The following PCCA variants were observed in gnomAD, a reference collection of about 807,000 sequenced individuals.
The protein encoded by PCCA is propionyl-CoA carboxylase alpha chain, mitochondrial.
In PCCA, 74 loss-of-function variants were observed where a neutral mutation model predicts 101.3. The ratio of observed to expected loss-of-function variants is 0.73; its 90% CI spans 0.61 to 0.89. The LOEUF is 0.89. Among genes scored for constraint, PCCA ranks in the 40% least tolerant of loss-of-function variants. The pLI, the probability that PCCA is intolerant of heterozygous loss-of-function variation, is 0.00. For synonymous variants in PCCA, 294 were observed against 313.6 expected (o/e 0.94, Z 0.66); for missense variants, 891 against 907.0 (o/e 0.98, Z 0.23).
At chr13:100,495,042 C>T (rs1301126614) in intron 21 of PCCA, among the ~76,000 whole-genome samples, 1 of 152,026 alleles carries the variant, frequency 6.6e-6, no homozygotes. Context: ...TCAACCGGGG[C>T]AGTATTGCCC....
chr13:100,207,450 G>A (rs1056133776), intron 6 of PCCA, among the ~76,000 whole-genome samples: 26 of 151,826 alleles, frequency 1.7e-4, no homozygotes, highest in African/African-American at 6.0e-4. Flanking sequence ...GCTCCATCTC[G>A]GCTCACTGCA....
intron 12 of PCCA, among the ~76,000 whole-genome samples, chr13:100,283,807 T>A (rs2064337562): frequency 6.6e-6 from 1 of 152,172 alleles, no homozygotes; most frequent in African/African-American, 2.4e-5. Flanking sequence ...TGGTAGGGCT[T>A]GTTATCAGTG....
chr13:100,159,311 GA>G (rs2054206668), intron 6 of PCCA, among the ~76,000 whole-genome samples: 2 of 151,754 alleles, frequency 1.3e-5, no homozygotes, highest in Admixed American at 1.3e-4. Flanking sequence ...GGCTGGTCTT[GA>G]ACTCCTGATG....
chr13:100,367,821 G>T (rs1567015322), intron 18 of PCCA, among the ~76,000 whole-genome samples: 2 of 151,518 alleles, frequency 1.3e-5, no homozygotes, highest in Non-Finnish European at 2.9e-5. Context: ...AGCCGCGTGT[G>T]GTGGTGGGCG....
chr13:100,338,339 T>TA (rs1300584765), intron 17 of PCCA, among the ~76,000 whole-genome samples: 1 of 152,216 alleles, frequency 6.6e-6, no homozygotes, highest in Non-Finnish European at 1.5e-5. Context: ...ATAAATCCAT[T>TA]ACGTGTTGAC....
chr13:100,119,080 C>T (rs2049110370), intron 4 of PCCA, among the ~76,000 whole-genome samples: 2 of 152,110 alleles, frequency 1.3e-5, no homozygotes, highest in South Asian at 4.2e-4. Flanking sequence ...ATGAAAATTG[C>T]CTGAGCCTGA....
At chr13:100,273,968 A>C (rs139113964) in intron 12 of PCCA, among the ~76,000 whole-genome samples, 1 of 152,326 alleles carries the variant, frequency 6.6e-6, no homozygotes, top group African/African-American at 2.4e-5. Context: ...ATACAGAAAC[A>C]TACATAGAAC....
intron 6 of PCCA, among the ~76,000 whole-genome samples, chr13:100,157,712 C>T (rs2054016328): frequency 6.6e-6 from 1 of 152,056 alleles, no homozygotes; most frequent in Admixed American, 6.6e-5. Context: ...TTACCAATGC[C>T]TCTATTTTGG....
At chr13:100,112,145 G>A (rs1298323440) in intron 4 of PCCA, 84 bp downstream of exon 4, 1 of 918,150 alleles carries the variant, frequency 1.1e-6, no homozygotes, top group East Asian at 2.5e-5. Context: ...TTTTTTCTTG[G>A]CCTGCACAAG....
rs530912048 is a variant in PCCA, at chr13:100,311,063, G to A, written c.1429+1155G>A. Among the ~76,000 whole-genome samples, 215 of 151,944 alleles carry A rather than the reference G, an allele frequency of 1.4e-3. 2 individuals are homozygous for A. Among genetic ancestry groups the A allele is most frequent in the Non-Finnish European group, 2.7e-3 (181 of 67,950 alleles). On this transcript the variant is annotated intron_variant, in intron 16 of 23. Transcript: ENST00000376285. ...AGCTGGGCAAAGATGGTGAAACCCAGTCTCTACTAAAAATACAAAAATTAG... is the reference window on the plus strand; with the variant it reads ...AGCTGGGCAAAGATGGTGAAACCCAATCTCTACTAAAAATACAAAAATTAG...
At chr13:100,360,153 T>A (rs1171547496) in intron 18 of PCCA, among the ~76,000 whole-genome samples, 3 of 151,442 alleles carry the variant, frequency 2.0e-5, no homozygotes, top group Non-Finnish European at 2.9e-5. Flanking sequence ...GCAAAAAGAG[T>A]TTTGTGCAGG....
intron 19 of PCCA, among the ~76,000 whole-genome samples, chr13:100,401,576 A>AT (rs2077368610): frequency 6.6e-6 from 1 of 151,436 alleles, no homozygotes; most frequent in Non-Finnish European, 1.5e-5. Flanking sequence ...TTTTTTTTTA[A>AT]TTGTATCTTG....
intron 21 of PCCA, among the ~76,000 whole-genome samples, chr13:100,509,181 C>T (rs1441521076): frequency 1.3e-5 from 2 of 152,150 alleles, no homozygotes; most frequent in African/African-American, 4.8e-5. Context: ...CAAATGTGCA[C>T]TTGCCAGTAG....
At chr13:100,349,563 A>C (rs1319953142) in intron 18 of PCCA, among the ~76,000 whole-genome samples, 1 of 152,192 alleles carries the variant, frequency 6.6e-6, no homozygotes, top group Non-Finnish European at 1.5e-5. Context: ...ACGCCCGGCC[A>C]CTTTCTGGTT....
At chr13:100,334,674 A>G (rs1285276713) in intron 17 of PCCA, among the ~76,000 whole-genome samples, 1 of 152,250 alleles carries the variant, frequency 6.6e-6, no homozygotes, top group African/African-American at 2.4e-5. Context: ...GGTCACTACT[A>G]AGATCCAAAT....
chr13:100,114,309 G>A (rs563597078), intron 4 of PCCA, among the ~76,000 whole-genome samples: 3 of 152,258 alleles, frequency 2.0e-5, no homozygotes, highest in African/African-American at 7.2e-5. Flanking sequence ...CAGGTGTGGT[G>A]GTTCACACCT....
At chr13:100,477,382 G>C (rs185585032) in intron 21 of PCCA, 1 of 152,244 alleles carries the variant, frequency 6.6e-6, no homozygotes. Context: ...GCTTCCTCAA[G>C]GCAACTAAGT....
intron 16 of PCCA, among the ~76,000 whole-genome samples, chr13:100,314,858 A>G (rs1411236538): frequency 2.0e-5 from 3 of 152,192 alleles, no homozygotes; most frequent in Non-Finnish European, 4.4e-5. Context: ...ACCAGAAGAA[A>G]AATGTTTTTC....
chr13:100,330,331 A>G (rs1435361437), intron 16 of PCCA, among the ~76,000 whole-genome samples: 2 of 152,156 alleles, frequency 1.3e-5, no homozygotes, highest in Non-Finnish European at 2.9e-5. Context: ...CCACCCTAAT[A>G]CAGCCCGTTG....
Sources: gnomAD v4.1 joint callset for allele counts (sites outside exome capture counted in the v4.1 genomes callset) on GRCh38, gnomAD v4.1.1 for gene constraint, MANE v1.5 for transcripts, NCBI Gene and HGNC (gene_info 2026-07-23, HGNC 2026-07-21) for gene names.